The following NQO2 variants were observed in gnomAD, a reference collection of about 807,000 sequenced individuals.
The protein encoded by NQO2 is ribosyldihydronicotinamide dehydrogenase [quinone].
A neutral mutation model predicts 22.0 loss-of-function variants in NQO2; 18 were observed. That is an observed-to-expected ratio of 0.82 (90% CI 0.56 to 1.21). The LOEUF (loss-of-function observed/expected upper bound fraction) is 1.21, where lower values mean the gene tolerates loss of function less well. Ranked by LOEUF, NQO2 falls within the 50% of genes most tolerant of loss-of-function variation. The pLI is 0.00. For synonymous variants in NQO2, 106 were observed against 110.8 expected, an observed-to-expected ratio of 0.96 and a Z score of 0.28; for missense variants, 267 against 286.9, an observed-to-expected ratio of 0.93 and a Z score of 0.50.
chr6:3,018,240 C>G (rs1426531534), intron 6 of NQO2, among the ~76,000 whole-genome samples: 1 of 152,218 alleles, frequency 6.6e-6, no homozygotes, highest in African/African-American at 2.4e-5. Flanking sequence ...GGTGCGGTGG[C>G]TCACGCCTGT....
intron 3 of NQO2, among the ~76,000 whole-genome samples, chr6:3,010,555 G>A (rs1757106686): frequency 1.3e-5 from 2 of 152,064 alleles, no homozygotes. Flanking sequence ...TCAATTTTCT[G>A]GGGTTCCCAG....
intron 1 of NQO2, chr6:3,005,567 C>T: frequency 4.9e-6 from 4 of 812,264 alleles, no homozygotes; most frequent in Non-Finnish European, 6.0e-6. Context: ...AAGCCTTCTG[C>T]CCATTTTTGC....
At chr6:3,016,430 C>CAAAAAAAAAAAAAAAAA (rs36118697) in intron 5 of NQO2, among the ~76,000 whole-genome samples, 18 of 85,684 alleles carry the variant, frequency 2.1e-4, no homozygotes, top group African/African-American at 8.6e-4. Context: ...GACTCTGTCT[C>CAAAAAAAAAAAAAAAAA]AAAAAAAAAA....
At chr6:3,000,830 C>A (rs1174969921) in intron 1 of NQO2, among the ~76,000 whole-genome samples, 3 of 150,916 alleles carry the variant, frequency 2.0e-5, no homozygotes, top group African/African-American at 7.3e-5. Context: ...AGCCACTGCT[C>A]CCGGCCCTCT....
rs1301528624 is a variant in NQO2, at chr6:3,019,649, GC to G, written c.691del (p.Gln231AsnfsTer28). On this transcript the variant is annotated frameshift_variant, in exon 7 of 7. Coordinates refer to ENST00000380455, the MANE Select transcript of NQO2 (RefSeq NM_000904.6). LOFTEE classifies it high-confidence loss of function. ...CCTGCACAGCCCACTGGCACTTCGG[GC>G]AATAACTCTGTGGCACGTGGGCATC... The part of the protein sequence containing the change: ...IPCTAHWHFG[Q>X] The G allele has an allele frequency of 6.2e-7, 1 of 1,604,402 alleles. No homozygotes were observed. The highest frequency in any genetic ancestry group is 1.3e-5 in the African/African-American group (1 of 74,704).
At chr6:3,015,409 C>G in intron 4 of NQO2, 121 bp from the exon 5 acceptor site, 1 of 1,477,644 alleles carries the variant, frequency 6.8e-7, no homozygotes. Context: ...GTTACCCTCA[C>G]CTGCCCAGCT....
At position 3,006,859 on chromosome 6, in the gene NQO2, G is replaced by C. The variant is rs545871353; in HGVS notation, c.7+300G>C. On this transcript the variant is annotated intron_variant, in intron 2 of 6. Transcript: ENST00000380455. The surrounding 1 kb of genome is among the most constrained non-coding windows in gnomAD (Gnocchi z 4.0). ...GTGGGGCCCTGCCTATCCTGTCTTT[G>C]CTGTGCCTCCAGGCCCTGAAATTCT... is the stretch of plus-strand genomic sequence containing the variant. 1 of 436,116 alleles carries C rather than the reference G, an allele frequency of 2.3e-6. No homozygotes were observed. Among genetic ancestry groups the C allele is most frequent in the East Asian group, 3.5e-5 (1 of 28,700 alleles). 27.0% of individuals were successfully genotyped at this position (436,116 alleles called of 1,614,324 possible).
At chr6:3,009,217 A>G (rs1581325586) in intron 2 of NQO2, among the ~76,000 whole-genome samples, 1 of 152,322 alleles carries the variant, frequency 6.6e-6, no homozygotes, top group Middle Eastern at 3.4e-3. Flanking sequence ...TCTCTTTCTC[A>G]GGGATGTTCC....
At chr6:3,008,151 C>G (rs1397001557) in intron 2 of NQO2, among the ~76,000 whole-genome samples, 1 of 152,216 alleles carries the variant, frequency 6.6e-6, no homozygotes. Flanking sequence ...GGTGCTGTGG[C>G]TCATACCAGT....
intron 1 of NQO2, among the ~76,000 whole-genome samples, chr6:3,000,545 T>C (rs953733541): frequency 1.3e-5 from 2 of 149,332 alleles, no homozygotes; most frequent in Non-Finnish European, 3.0e-5. Flanking sequence ...AAAATCAGCT[T>C]TTTTTTTTTT....
rs1757301722 is a variant in NQO2, at chr6:3,015,656, G to A, written c.417+13G>A. The A allele has an allele frequency of 1.2e-6, 2 of 1,613,038 alleles. No individual in the cohort carries two copies. Among genetic ancestry groups the A allele is most frequent in the South Asian group, 1.1e-5 (1 of 91,072 alleles). On this transcript the variant is annotated intron_variant, in intron 5 of 6. Transcript: ENST00000380455. Reference sequence around the variant, plus strand: ...CGGTTTGCTCCAGGTATGTGCTCTTGGATAAGGATCACTATGGATAGTTGG... The same window carrying A: ...CGGTTTGCTCCAGGTATGTGCTCTTAGATAAGGATCACTATGGATAGTTGG...
intron 3 of NQO2, among the ~76,000 whole-genome samples, chr6:3,010,952 G>A (rs1298596523): frequency 4.7e-5 from 7 of 149,024 alleles, no homozygotes; most frequent in African/African-American, 4.9e-5. Context: ...CTTAGTAGAG[G>A]AAAAAAAAAA....
At chr6:3,015,757 G>A (rs764014336) in intron 5 of NQO2, 114 bp downstream of exon 5, 2 of 978,704 alleles carry the variant, frequency 2.0e-6, no homozygotes, top group African/African-American at 3.2e-5. Flanking sequence ...AATATCGATT[G>A]AGCACCCACT....
At chr6:3,015,154 C>T (rs1455832300) in intron 4 of NQO2, 1 of 1,304,046 alleles carries the variant, frequency 7.7e-7, no homozygotes, top group Non-Finnish European at 1.0e-6. Flanking sequence ...ATGCTAACAA[C>T]ACACCCCAGG....
At chr6:3,012,743 G>A in intron 4 of NQO2, 69 bp downstream of exon 4, 2 of 1,491,366 alleles carry the variant, frequency 1.3e-6, no homozygotes, top group Non-Finnish European at 1.8e-6. Context: ...TGAATATTGA[G>A]TTTTGTGCTG....
intron 2 of NQO2, among the ~76,000 whole-genome samples, chr6:3,007,095 G>C (rs185332611): frequency 6.6e-6 from 1 of 152,144 alleles, no homozygotes; most frequent in Non-Finnish European, 1.5e-5. Flanking sequence ...ATACATTATG[G>C]TGTAGATTCG....
chr6:3,000,986 G>T (rs1420285494), intron 1 of NQO2, among the ~76,000 whole-genome samples: 2 of 151,952 alleles, frequency 1.3e-5, no homozygotes, highest in East Asian at 3.9e-4. Context: ...GGGATTACAG[G>T]CGCCTGCCAC....
intron 4 of NQO2, among the ~76,000 whole-genome samples, chr6:3,013,978 C>T (rs974801463): frequency 3.9e-5 from 6 of 152,172 alleles, no homozygotes; most frequent in African/African-American, 1.4e-4. Context: ...CCCCTAGATC[C>T]AGAATTTCCA....
rs1756952483 is a variant in NQO2 at position 3,006,446 on chromosome 6, C to G, written c.-85-22C>G. 1 of 1,589,908 alleles carries G rather than the reference C, an allele frequency of 6.3e-7. No homozygotes were observed. Among genetic ancestry groups the G allele is most frequent in the African/African-American group, 1.4e-5 (1 of 73,874 alleles). ...TCACCTATGCCTCTCCCCACCCCCTCTGGGTTCGTTTTGTCTTCCAGATTG... is the reference window on the plus strand; with the variant it reads ...TCACCTATGCCTCTCCCCACCCCCTGTGGGTTCGTTTTGTCTTCCAGATTG... On this transcript the variant is annotated intron_variant, in intron 1 of 6. Coordinates refer to ENST00000380455, the MANE Select transcript of NQO2 (RefSeq NM_000904.6). The surrounding 1 kb of genome is among the most constrained non-coding windows in gnomAD (Gnocchi z 4.0).
Sources: allele counts gnomAD v4.1 joint callset (sites outside exome capture counted in the v4.1 genomes callset), GRCh38; gene constraint gnomAD v4.1.1; non-coding constraint Gnocchi (gnomAD v3.1); transcripts MANE v1.5; gene names NCBI Gene and HGNC (gene_info 2026-07-23, HGNC 2026-07-21).